CTPS2: variants seen among roughly 807,000 people sequenced by gnomAD.
CTPS2 encodes CTP synthase 2, also known as CTP synthase II.
Under a neutral mutation model 46.8 loss-of-function variants are expected in CTPS2, and 19 were observed. That is an observed-to-expected ratio of 0.41 (90% confidence interval 0.28 to 0.60). The LOEUF is 0.60. Among genes scored for constraint, CTPS2 ranks in the 20% least tolerant of loss-of-function variants. The probability of loss-of-function intolerance (pLI) is 0.35; values close to 1 mark genes in which losing one functional copy is unlikely to be tolerated. For missense variants in CTPS2, 286 were observed against 447.6 expected, an observed-to-expected ratio of 0.64 and a Z score of 3.26; for synonymous variants, 151 against 165.2, an observed-to-expected ratio of 0.91 and a Z score of 0.66.
chrX:16,665,082 C>T (rs1385832897), intron 13 of CTPS2, among the ~76,000 whole-genome samples: 1 of 112,309 alleles, frequency 8.9e-6, no homozygotes, highest in Non-Finnish European at 1.9e-5. Flanking sequence ...ATCAAAGCCA[C>T]GATGAGACAC....
chrX:16,660,931 A>C (rs1427496947), intron 13 of CTPS2, among the ~76,000 whole-genome samples: 6 of 110,710 alleles, frequency 5.4e-5, no homozygotes, highest in Admixed American at 9.6e-5. Context: ...AGTGGTCTGT[A>C]AAAAGCTATT....
At chrX:16,621,446 TATAATAATAATA>T (rs10666371) in intron 14 of CTPS2, among the ~76,000 whole-genome samples, 2 of 102,862 alleles carry the variant, frequency 1.9e-5, no homozygotes, top group African/African-American at 3.5e-5. Context: ...GAACTTAAAG[TATAATAATAATA>T]ATAATAATAA....
intron 2 of CTPS2, among the ~76,000 whole-genome samples, chrX:16,700,196 A>G (rs1171727761): frequency 3.7e-5 from 4 of 107,074 alleles, no homozygotes; most frequent in Admixed American, 1.0e-4. Flanking sequence ...GGCTCACTGC[A>G]ACCTCTGACT....
chrX:16,596,517 T>A (rs376072008), intron 17 of CTPS2, among the ~76,000 whole-genome samples: 4 of 110,125 alleles, frequency 3.6e-5, no homozygotes, highest in African/African-American at 1.3e-4. Flanking sequence ...ACAAAGGACA[T>A]GAACTCATCA....
At chrX:16,706,422 C>T (rs968568492) in intron 1 of CTPS2, among the ~76,000 whole-genome samples, 2 of 109,453 alleles carry the variant, frequency 1.8e-5, no homozygotes, top group Admixed American at 9.9e-5. Flanking sequence ...GACTCCGACT[C>T]GAAAGGTAAG....
intron 12 of CTPS2, 25 bp downstream of exon 12, chrX:16,667,637 G>T (rs1290703630): frequency 8.3e-7 from 1 of 1,207,587 alleles, no homozygotes; most frequent in East Asian, 3.0e-5. Flanking sequence ...TTAAATAAAT[G>T]GTCATTAGCA....
At chrX:16,680,670 T>C (rs756841473) in intron 9 of CTPS2, among the ~76,000 whole-genome samples, 1 of 111,862 alleles carries the variant, frequency 8.9e-6, no homozygotes, top group South Asian at 3.7e-4. Context: ...AATTTTTCCA[T>C]TGCCATTTTC....
intron 11 of CTPS2, among the ~76,000 whole-genome samples, chrX:16,669,640 A>T (rs1921561787): frequency 9.0e-6 from 1 of 110,509 alleles, no homozygotes; most frequent in East Asian, 2.8e-4. Flanking sequence ...CCAGGTAACT[A>T]CTCCAGTCTT....
At chrX:16,594,131 A>G (rs1310414915) in intron 17 of CTPS2, among the ~76,000 whole-genome samples, 3 of 111,669 alleles carry the variant, frequency 2.7e-5, no homozygotes, top group East Asian at 5.6e-4. Flanking sequence ...AGCTCGGGGC[A>G]CAGGGTAGGG....
intron 14 of CTPS2, among the ~76,000 whole-genome samples, chrX:16,633,453 T>C (rs1473084341): frequency 8.9e-6 from 1 of 111,865 alleles, no homozygotes; most frequent in Non-Finnish European, 1.9e-5. Context: ...TATTATTTCA[T>C]GCCACATGAA....
rs866620748 is a variant in CTPS2, at chrX:16,682,300, C to T, written c.1005+794G>A. Reference sequence around the variant, plus strand: ...AGGAGTTCGAGACCAGCCTGGCCAACGTGGTGAAACCCCGTCTCTATTAAA... The same window carrying T: ...AGGAGTTCGAGACCAGCCTGGCCAATGTGGTGAAACCCCGTCTCTATTAAA... On this transcript the variant is annotated intron_variant, in intron 9 of 18. Transcript: ENST00000359276. 9.8e-5 allele frequency among the ~76,000 whole-genome samples: 11 copies of T among 111,723 alleles called. No individual in the cohort carries two copies. In the East Asian group the frequency reaches 1.4e-3, roughly 14 times the overall value.
chrX:16,594,912 TA>T, intron 17 of CTPS2, among the ~76,000 whole-genome samples: 1 of 112,713 alleles, frequency 8.9e-6, no homozygotes, highest in Middle Eastern at 4.6e-3. Flanking sequence ...CATCTGCCAA[TA>T]AAAAACAACT....
At chrX:16,654,650 TAAAG>T (rs1206622536) in intron 13 of CTPS2, 14 of 359,234 alleles carry the variant, frequency 3.9e-5, no homozygotes, top group Non-Finnish European at 6.8e-5. Flanking sequence ...TTATTATTAA[TAAAG>T]AAATTATTAG....
At chrX:16,684,379 C>T (rs181216066) in intron 8 of CTPS2, among the ~76,000 whole-genome samples, 3 of 108,444 alleles carry the variant, frequency 2.8e-5, no homozygotes, top group East Asian at 5.8e-4. Context: ...CGTGGTGGTA[C>T]GCACCTGTAA....
intron 13 of CTPS2, among the ~76,000 whole-genome samples, chrX:16,659,238 T>G (rs965661999): frequency 9.0e-6 from 1 of 111,369 alleles, no homozygotes; most frequent in Non-Finnish European, 1.9e-5. Flanking sequence ...AAGTACTTAT[T>G]ATGGGCAAGG....
chrX:16,640,299 A>G (rs1386689974), intron 13 of CTPS2, among the ~76,000 whole-genome samples: 1 of 111,118 alleles, frequency 9.0e-6, no homozygotes, highest in East Asian at 2.8e-4. Flanking sequence ...CTGCCTGGAC[A>G]ATCTCCTCCC....
intron 4 of CTPS2, among the ~76,000 whole-genome samples, chrX:16,693,786 T>C (rs906048728): frequency 1.5e-4 from 16 of 110,237 alleles, no homozygotes; most frequent in Non-Finnish European, 2.8e-4. Context: ...CGAGACCCTT[T>C]CTCTGAAAAA....
intron 16 of CTPS2, among the ~76,000 whole-genome samples, chrX:16,611,259 G>A (rs112266654): frequency 0.025 from 2,805 of 111,191 alleles, 99 homozygotes; most frequent in African/African-American, 0.086. Flanking sequence ...GAGACCAGCC[G>A]GGGCAATATG....
chrX:16,683,034 T>C, intron 9 of CTPS2, 60 bp downstream of exon 9: 1 of 1,187,989 alleles, frequency 8.4e-7, no homozygotes, highest in Non-Finnish European at 1.1e-6. Context: ...CTTGCCCCTC[T>C]GGAACATGTG....
Sources: gnomAD v4.1 joint callset for allele counts (sites outside exome capture counted in the v4.1 genomes callset) on GRCh38, gnomAD v4.1.1 for gene constraint, MANE v1.5 for transcripts, NCBI Gene and HGNC (gene_info 2026-07-23, HGNC 2026-07-21) for gene names.